The following KANK1 variants were observed in gnomAD, a reference collection of about 807,000 sequenced individuals.
The protein encoded by KANK1 is KN motif and ankyrin repeat domain-containing protein 1.
In KANK1, 109 loss-of-function variants were observed where a neutral mutation model predicts 106.2. The ratio of observed to expected loss-of-function variants is 1.03; its 90% confidence interval spans 0.88 to 1.20. The LOEUF (loss-of-function observed/expected upper bound fraction) is 1.20. KANK1 is among the 50% of genes most tolerant of loss of function. KANK1 has a pLI of 0.00. For synonymous variants in KANK1, 873 were observed against 652.2 expected, an observed-to-expected ratio of 1.34 and a Z score of -5.16; for missense variants, 2,399 against 1,710.7, an observed-to-expected ratio of 1.40 and a Z score of -7.10.
rs774468238 is a variant in KANK1, at chr9:643,543, ATTTTTT to A, written c.-83-33331_-83-33326del. On this transcript the variant is annotated intron_variant, in intron 1 of 11. Coordinates refer to ENST00000382297, the MANE Select transcript of KANK1 (RefSeq NM_015158.5). The stretch of plus-strand genomic sequence containing the variant: ...CCAGAATTTGCTTTTTTTCTTTTTG[ATTTTTT>A]TTTTTTTTTTTTTTTGGTAGTGATA... 2.9e-5 allele frequency among the ~76,000 whole-genome samples: 3 copies of A among 102,464 alleles called. No homozygotes were observed. The East Asian group carries it at 8.0e-4, about 27-fold the overall frequency. 67.2% of individuals were successfully genotyped at this position (102,464 alleles called of 152,430 possible). A position where few individuals can be genotyped will look rare whatever the true frequency, so the allele number is the denominator to read the frequency against.
chr9:473,584 G>A (rs542714745), intron 3 of KANK1, among the ~76,000 whole-genome samples: 36 of 152,270 alleles, frequency 2.4e-4, no homozygotes, highest in African/African-American at 8.4e-4. Flanking sequence ...AATTTGCTAT[G>A]GTTAGCTATG....
intron 3 of KANK1, among the ~76,000 whole-genome samples, chr9:726,064 C>G (rs952000485): frequency 6.6e-6 from 1 of 152,158 alleles, no homozygotes; most frequent in Non-Finnish European, 1.5e-5. Flanking sequence ...CATGATTTTT[C>G]TAATACATAC....
intron 1 of KANK1, among the ~76,000 whole-genome samples, chr9:536,388 A>G (rs984894663): frequency 2.7e-4 from 41 of 152,152 alleles, no homozygotes; most frequent in African/African-American, 9.4e-4. Flanking sequence ...ACAGTTGTGT[A>G]GATCAGAAGT....
At chr9:473,571 G>C (rs1469082445) in intron 3 of KANK1, among the ~76,000 whole-genome samples, 1 of 152,216 alleles carries the variant, frequency 6.6e-6, no homozygotes, top group Admixed American at 6.5e-5. Flanking sequence ...ATAATACTGA[G>C]AAAATTTGCT....
chr9:478,060 G>C, intron 3 of KANK1: 1 of 205,320 alleles, frequency 4.9e-6, no homozygotes, highest in Non-Finnish European at 9.9e-6. Flanking sequence ...GAACAGACAG[G>C]CTCAGACTGA....
chr9:709,069 C>G (rs1275558398), intron 2 of KANK1, among the ~76,000 whole-genome samples: 1 of 152,168 alleles, frequency 6.6e-6, no homozygotes, highest in Admixed American at 6.5e-5. Flanking sequence ...TTGCCCTTAT[C>G]TTCATTCTTT....
At chr9:662,156 A>C (rs1406146360) in intron 1 of KANK1, among the ~76,000 whole-genome samples, 1 of 152,136 alleles carries the variant, frequency 6.6e-6, no homozygotes, top group Admixed American at 6.5e-5. Context: ...AGTACAAACC[A>C]CTGCTCAACA....
chr9:575,690 G>A (rs1434136595), intron 1 of KANK1, among the ~76,000 whole-genome samples: 2 of 151,458 alleles, frequency 1.3e-5, no homozygotes, highest in Non-Finnish European at 2.9e-5. Flanking sequence ...TAATTACAGA[G>A]ATAGTGTTCT....
chr9:507,191 A>G (rs1260468522), intron 1 of KANK1, among the ~76,000 whole-genome samples: 1 of 151,684 alleles, frequency 6.6e-6, no homozygotes, highest in African/African-American at 2.4e-5. Flanking sequence ...CGTCTCTACA[A>G]AAAAAATAAA....
intron 1 of KANK1, among the ~76,000 whole-genome samples, chr9:624,650 A>G (rs1038601053): frequency 1.3e-5 from 2 of 151,908 alleles, no homozygotes; most frequent in Non-Finnish European, 2.9e-5. Flanking sequence ...TAAAAATACA[A>G]AAATTAGTCG....
At chr9:586,315 A>G (rs1225413789) in intron 1 of KANK1, among the ~76,000 whole-genome samples, 3 of 152,230 alleles carry the variant, frequency 2.0e-5, no homozygotes, top group African/African-American at 7.2e-5. Flanking sequence ...ATTCAAGGTT[A>G]CAGGAATAGG....
chr9:693,953 C>G (rs1376333283), intron 2 of KANK1, among the ~76,000 whole-genome samples: 2 of 152,132 alleles, frequency 1.3e-5, no homozygotes, highest in Non-Finnish European at 2.9e-5. Context: ...AAAATTTCAG[C>G]TTTACCTATG....
chr9:654,936 T>C (rs918443979), intron 1 of KANK1, among the ~76,000 whole-genome samples: 2 of 152,136 alleles, frequency 1.3e-5, no homozygotes, highest in Admixed American at 1.3e-4. Context: ...GAACACGTTT[T>C]GAGAACCACT....
intron 3 of KANK1, among the ~76,000 whole-genome samples, chr9:483,914 G>A (rs146749546): frequency 7.9e-5 from 12 of 152,286 alleles, no homozygotes; most frequent in Admixed American, 6.5e-5. Flanking sequence ...GAGACAGAGC[G>A]AGCAGGTATG....
At chr9:727,052 A>C (rs888414116) in intron 3 of KANK1, among the ~76,000 whole-genome samples, 1 of 152,162 alleles carries the variant, frequency 6.6e-6, no homozygotes, top group Admixed American at 6.6e-5. Context: ...ATGCTCATCT[A>C]TGTTAATATT....
At chr9:490,581 C>G (rs540347626) in intron 3 of KANK1, among the ~76,000 whole-genome samples, 3 of 152,102 alleles carry the variant, frequency 2.0e-5, no homozygotes, top group Admixed American at 6.6e-5. Context: ...AAAATTATCT[C>G]CAGAAAGATC....
At chr9:485,445 A>G (rs938957297) in intron 3 of KANK1, among the ~76,000 whole-genome samples, 17 of 152,236 alleles carry the variant, frequency 1.1e-4, no homozygotes, top group African/African-American at 4.1e-4. Context: ...CTCTTGTGCC[A>G]TTTGTAGGTA....
intron 1 of KANK1, among the ~76,000 whole-genome samples, chr9:609,962 C>T (rs903862515): frequency 9.9e-5 from 15 of 151,984 alleles, no homozygotes; most frequent in Admixed American, 9.2e-4. Flanking sequence ...ATTTGGAATG[C>T]TTGTTTTACT....
intron 1 of KANK1, among the ~76,000 whole-genome samples, chr9:564,311 C>T (rs1817276324): frequency 6.6e-6 from 1 of 152,078 alleles, no homozygotes; most frequent in African/African-American, 2.4e-5. Context: ...CTCCGCCCGC[C>T]TCAGCCTCCC....
Sources: allele counts gnomAD v4.1 joint callset (sites outside exome capture counted in the v4.1 genomes callset), GRCh38; gene constraint gnomAD v4.1.1; transcripts MANE v1.5; gene names NCBI Gene and HGNC (gene_info 2026-07-23, HGNC 2026-07-21).